WHRN: variants seen among roughly 807,000 people sequenced by gnomAD.
The protein encoded by WHRN is CASK-interacting protein CIP98.
WHRN carries 41 observed loss-of-function variants against 68.3 expected under a neutral mutation model. The ratio of observed to expected loss-of-function variants is 0.60; its 90% CI spans 0.47 to 0.78. The LOEUF (loss-of-function observed/expected upper bound fraction) is 0.78. WHRN is among the 30% of genes least tolerant of loss of function. WHRN has a pLI of 0.00. For synonymous variants in WHRN, 560 were observed against 561.3 expected (o/e 1.00, Z 0.03); for missense variants, 1,243 against 1,244.7 (o/e 1.00, Z 0.02).
Position 114,406,384 on chromosome 9 carries a change from T to C in WHRN, c.2207A>G (p.Asn736Ser), listed in dbSNP as rs1418671868. Residue 736 changes from asparagine to serine, a missense_variant, in exon 9 of 12, where the codon AAT becomes AGT. By Grantham distance (46) the Asn-to-Ser change is conservative. Transcript: ENST00000362057. ...VHRPDSEPDV[N>S]EVRALPQTRT... ...CGTCTGGGGCAGCGCCCTCACTTCA[T>C]TGACGTCTGGCTCGCTGTCGGGGCG... The C allele has an allele frequency of 3.1e-6, 5 of 1,614,032 alleles. No homozygotes were observed. The highest frequency in any genetic ancestry group is 1.1e-5 in the South Asian group (1 of 91,090).
In WHRN at chr9:114,423,649, C is replaced by T. The variant is rs561732658; in HGVS notation, c.1417-126G>A. The T allele has an allele frequency of 1.0e-5, 9 of 895,982 alleles. No individual in the cohort carries two copies. The South Asian group carries it at 1.6e-4, about 16-fold the overall frequency. The allele number at this position is 895,982 out of a possible 1,614,324, so 55.5% of individuals were successfully genotyped here. A position where few individuals can be genotyped will look rare whatever the true frequency, so the allele number is the denominator to read the frequency against. On this transcript the variant is annotated intron_variant, in intron 6 of 11. Coordinates refer to ENST00000362057, the MANE Select transcript of WHRN (RefSeq NM_015404.4). ...GCCTCCCCTCCTTAACTGTCTGGCT[C>T]CCCAGTGCTCTCAAGAGAAAGGCCA... is the stretch of plus-strand genomic sequence containing the variant.
In WHRN at chr9:114,409,729, G is replaced by C. The variant is rs577111725; in HGVS notation, c.1627-1711C>G. Among the ~76,000 whole-genome samples the C allele has an allele frequency of 9.2e-5, 14 of 151,676 alleles. No homozygotes were observed. In the East Asian group the frequency reaches 2.6e-3, roughly 28 times the overall value. ...TTCTGCTTGGCTATCCATCCACAAG[G>C]CATGCTGTCGCTCACCTCCAAAACC... On this transcript the variant is annotated intron_variant, in intron 7 of 11. Transcript: ENST00000362057.
intron 1 of WHRN, among the ~76,000 whole-genome samples, chr9:114,486,217 CTTT>C (rs1347034636): frequency 1.3e-5 from 2 of 152,142 alleles, no homozygotes; most frequent in Non-Finnish European, 2.9e-5. Flanking sequence ...CAACTTTCTT[CTTT>C]TTAAGAAACA....
intron 1 of WHRN, among the ~76,000 whole-genome samples, chr9:114,488,959 A>G (rs1255252556): frequency 1.3e-5 from 2 of 152,112 alleles, no homozygotes; most frequent in Non-Finnish European, 2.9e-5. Flanking sequence ...CTTCTGCTAT[A>G]AAACTCCCCA....
Position 114,504,725 on chromosome 9 carries a change from C to T in WHRN, c.77G>A (p.Gly26Asp). ...TAACCGCAGCCCCGCGCCCCCGCCG[C>T]CGCCCGCCCCGGCCGCCGAGCCCAG... ...GSLGSAAGAG[G>D]GGGAGLRLLS... The change falls in exon 1 of 12, where the codon GGC becomes GAC. Residue 26 changes from glycine (G) to aspartate (D), a missense_variant. Coordinates refer to ENST00000362057, the MANE Select transcript of WHRN (RefSeq NM_015404.4). The T allele has an allele frequency of 6.6e-7, 1 of 1,507,938 alleles. No homozygotes were observed. Among genetic ancestry groups the T allele is most frequent in the Non-Finnish European group, 8.8e-7 (1 of 1,137,652 alleles). The allele number at this position is 1,507,938 out of a possible 1,614,324, so 93.4% of individuals were successfully genotyped here. A position where few individuals can be genotyped will look rare whatever the true frequency, so the allele number is the denominator to read the frequency against.
intron 7 of WHRN, among the ~76,000 whole-genome samples, chr9:114,408,656 G>A (rs1835211129): frequency 1.3e-5 from 2 of 152,250 alleles, no homozygotes. Flanking sequence ...GAGGGCTAAG[G>A]GAGCCAGTTC....
chr9:114,405,070 CTTTT>C (rs34172199), intron 9 of WHRN, among the ~76,000 whole-genome samples: 1,342 of 109,112 alleles, frequency 0.012, 14 homozygotes, highest in African/African-American at 0.037. Flanking sequence ...CTCTCTCTCT[CTTTT>C]TTTTTTTTTT....
intron 7 of WHRN, among the ~76,000 whole-genome samples, chr9:114,411,182 A>T (rs1462980902): frequency 6.6e-6 from 1 of 152,206 alleles, no homozygotes; most frequent in Non-Finnish European, 1.5e-5. Flanking sequence ...TAGGATGGAA[A>T]GGAATGGCAG....
intron 2 of WHRN, among the ~76,000 whole-genome samples, chr9:114,471,850 G>C (rs966044369): frequency 6.6e-6 from 1 of 152,230 alleles, no homozygotes; most frequent in Non-Finnish European, 1.5e-5. Context: ...AGGAAGAGAA[G>C]GGCCTCCTGC....
rs377606858 is a variant in WHRN at position 114,466,367 on chromosome 9, C to T, written c.863G>A (p.Arg288Gln). The change falls in exon 3 of 12, where the codon CGG becomes CAG. Residue 288 changes from arginine (R) to glutamine (Q), a missense_variant. Arg to Gln is a conservative substitution (Grantham distance 43, BLOSUM62 1). Transcript: ENST00000362057. The stretch of plus-strand genomic sequence containing the variant: ...CCCACGGATCGTGAGGCCCAGGGAC[C>T]GGCCGTCCCCCAGCACCAGGTTCAC... ...KKVNLVLGDGRSLGLTIRGGA... is the reference protein window; with the variant it reads ...KKVNLVLGDGQSLGLTIRGGA... 5.0e-5 allele frequency: 81 copies of T among 1,613,928 alleles called. No individual in the cohort carries two copies. The highest frequency in any genetic ancestry group is 6.3e-5 in the Non-Finnish European group (74 of 1,180,030).
chr9:114,500,186 G>A (rs903962299), intron 1 of WHRN, among the ~76,000 whole-genome samples: 2 of 152,162 alleles, frequency 1.3e-5, no homozygotes, highest in Non-Finnish European at 2.9e-5. Context: ...TTATTAATAA[G>A]TGAGCTTTTC....
rs541453554 is a variant in WHRN, at chr9:114,435,883, C to T, written c.964-9470G>A. Reference sequence around the variant, plus strand: ...ACACCTATATGAAGAAAACTTCACACACTTCTAAAACACTCTAAAACACTC... The same window carrying T: ...ACACCTATATGAAGAAAACTTCACATACTTCTAAAACACTCTAAAACACTC... On this transcript the variant is annotated intron_variant, in intron 3 of 11. Transcript: ENST00000362057. 2.9e-5 allele frequency among the ~76,000 whole-genome samples: 4 copies of T among 139,316 alleles called. No individual in the cohort carries two copies. In the South Asian group the frequency reaches 9.1e-4, roughly 32 times the overall value. 91.4% of individuals were successfully genotyped at this position (139,316 alleles called of 152,430 possible).
At chr9:114,434,323 A>C (rs1053845065) in intron 3 of WHRN, among the ~76,000 whole-genome samples, 2 of 152,204 alleles carry the variant, frequency 1.3e-5, no homozygotes, top group Admixed American at 1.3e-4. Context: ...AAGCCAAACC[A>C]ATTGCTATTC....
intron 1 of WHRN, among the ~76,000 whole-genome samples, chr9:114,486,953 GTGTGTGTATATATATA>G (rs1407311634): frequency 2.6e-5 from 3 of 115,428 alleles, no homozygotes; most frequent in African/African-American, 9.3e-5. Context: ...GTGTGTGTGT[GTGTGTGTATATATATA>G]TATATATATA....
chr9:114,482,058 A>G (rs1842134090), intron 1 of WHRN, among the ~76,000 whole-genome samples: 1 of 152,176 alleles, frequency 6.6e-6, no homozygotes, highest in Non-Finnish European at 1.5e-5. Flanking sequence ...TCCTGCGCAC[A>G]GTAGGTATTT....
At position 114,429,822 on chromosome 9, in the gene WHRN, G is replaced by A. The variant is rs146328485; in HGVS notation, c.964-3409C>T. The stretch of plus-strand genomic sequence containing the variant: ...GAGGCAGAGCTGTGCAGCTCTCCCA[G>A]GTACTCAGGCCTTACTGAGAGTGGA... On this transcript the variant is annotated intron_variant, in intron 3 of 11. Coordinates refer to ENST00000362057, the MANE Select transcript of WHRN (RefSeq NM_015404.4). 2.7e-3 allele frequency among the ~76,000 whole-genome samples: 413 copies of A among 152,294 alleles called. 5 individuals carry two copies. Among genetic ancestry groups the A allele is most frequent in the South Asian group, 0.012 (59 of 4,818 alleles).
intron 3 of WHRN, among the ~76,000 whole-genome samples, chr9:114,436,337 C>T (rs1422838574): frequency 3.3e-5 from 5 of 152,190 alleles, no homozygotes; most frequent in Admixed American, 3.3e-4. Context: ...GAACTGTGAA[C>T]CCTTATATAA....
At chr9:114,453,065 T>A (rs1468923726) in intron 3 of WHRN, among the ~76,000 whole-genome samples, 1 of 152,202 alleles carries the variant, frequency 6.6e-6, no homozygotes, top group Non-Finnish European at 1.5e-5. Context: ...TGCATTGCTA[T>A]AAAGGAATAC....
intron 11 of WHRN, 25 bp from the exon 12 acceptor site, chr9:114,402,961 G>A: frequency 6.3e-7 from 1 of 1,598,368 alleles, no homozygotes; most frequent in South Asian, 1.1e-5. Flanking sequence ...CACAGGGCAT[G>A]GGGTGCCCAA....
Sources: allele counts gnomAD v4.1 joint callset (sites outside exome capture counted in the v4.1 genomes callset), GRCh38; gene constraint gnomAD v4.1.1; transcripts MANE v1.5; gene names NCBI Gene and HGNC (gene_info 2026-07-23, HGNC 2026-07-21).